MTMR7: variants seen among roughly 807,000 people sequenced by gnomAD.
MTMR7 encodes myotubularin related protein 7, also known as phosphatidylinositol-3-phosphate phosphatase MTMR7.
Under a neutral mutation model 81.2 loss-of-function variants are expected in MTMR7, and 76 were observed. The observed-to-expected ratio is 0.94, with a 90% CI of 0.78 to 1.13. The LOEUF is 1.13. Ranked by LOEUF, MTMR7 falls within the 50% of genes most tolerant of loss-of-function variation. The pLI is 0.00. For missense variants in MTMR7, 1,044 were observed against 820.0 expected, an observed-to-expected ratio of 1.27 and a Z score of -3.34; for synonymous variants, 372 against 289.8, an observed-to-expected ratio of 1.28 and a Z score of -2.88.
chr8:17,332,701 T>C (rs771923899), intron 6 of MTMR7, among the ~76,000 whole-genome samples: 1 of 152,188 alleles, frequency 6.6e-6, no homozygotes, highest in African/African-American at 2.4e-5. Flanking sequence ...ATCATATAGG[T>C]CGAACCATTA....
chr8:17,331,763 T>A (rs1205563316), intron 6 of MTMR7, among the ~76,000 whole-genome samples: 1 of 152,238 alleles, frequency 6.6e-6, no homozygotes, highest in Non-Finnish European at 1.5e-5. Context: ...CATTCTAATT[T>A]GCCCACAAGA....
At chr8:17,409,056 C>T (rs1293791856) in intron 1 of MTMR7, among the ~76,000 whole-genome samples, 5 of 152,064 alleles carry the variant, frequency 3.3e-5, no homozygotes, top group Non-Finnish European at 7.3e-5. Context: ...ACACTGACAT[C>T]CACAAATATT....
Position 17,341,458 on chromosome 8 carries a change from T to G in MTMR7, c.637A>C (p.Ser213Arg). 1.2e-6 allele frequency: 2 copies of G among 1,614,118 alleles called. No individual in the cohort carries two copies. Among genetic ancestry groups the G allele is most frequent in the Non-Finnish European group, 1.7e-6 (2 of 1,180,024 alleles). Reference sequence around the variant, plus strand: ...TGCTCGTCCTCTAGGCACCGGGCACTGAAGCCGGACAGGGGCTGGCTGCTC... The same window carrying G: ...TGCTCGTCCTCTAGGCACCGGGCACGGAAGCCGGACAGGGGCTGGCTGCTC... ...CRSSQPLSGF[S>R]ARCLEDEQML... The change falls in exon 6 of 14, where the codon AGT (serine) becomes CGT (arginine). Residue 213 changes from serine (S) to arginine (R), a missense_variant. Ser to Arg is a moderately radical substitution (Grantham distance 110). Coordinates refer to ENST00000180173, the MANE Select transcript of MTMR7 (RefSeq NM_004686.5).
chr8:17,341,646 GC>G, intron 5 of MTMR7, 149 bp from the exon 6 acceptor site: 1 of 1,026,326 alleles, frequency 9.7e-7, no homozygotes. Context: ...TGGAAATCAA[GC>G]CTTGTTTATT....
intron 1 of MTMR7, among the ~76,000 whole-genome samples, chr8:17,375,338 G>C (rs1304905420): frequency 6.6e-6 from 1 of 152,052 alleles, no homozygotes; most frequent in Admixed American, 6.5e-5. Flanking sequence ...GATCTACTGA[G>C]GTCAATAAAG....
intron 1 of MTMR7, among the ~76,000 whole-genome samples, chr8:17,392,909 T>C (rs1585118031): frequency 2.0e-5 from 3 of 152,322 alleles, no homozygotes; most frequent in Admixed American, 2.0e-4. Flanking sequence ...TGAGGATGAT[T>C]ATAAAAATAA....
At chr8:17,351,869 C>A (rs1439583699) in intron 4 of MTMR7, among the ~76,000 whole-genome samples, 3 of 152,226 alleles carry the variant, frequency 2.0e-5, no homozygotes, top group Non-Finnish European at 2.9e-5. Context: ...GTCCTGCTTT[C>A]ATCAAAGTAG....
chr8:17,300,350 A>T, intron 13 of MTMR7, 126 bp from the exon 14 acceptor site: 2 of 1,064,558 alleles, frequency 1.9e-6, no homozygotes, highest in Non-Finnish European at 2.6e-6. Flanking sequence ...ACTCAGAGGG[A>T]TGTGAGTTCA....
At chr8:17,404,770 A>G (rs534658045) in intron 1 of MTMR7, among the ~76,000 whole-genome samples, 26 of 152,232 alleles carry the variant, frequency 1.7e-4, no homozygotes, top group Non-Finnish European at 3.1e-4. Flanking sequence ...ATTTAAATAC[A>G]TTGATGTTTA....
At chr8:17,403,483 TGTA>T (rs957035467) in intron 1 of MTMR7, among the ~76,000 whole-genome samples, 2 of 152,158 alleles carry the variant, frequency 1.3e-5, no homozygotes, top group Non-Finnish European at 2.9e-5. Flanking sequence ...ACGGTAGCTC[TGTA>T]GTATAATTTG....
At chr8:17,345,977 G>C (rs1041546597) in intron 5 of MTMR7, 1 of 152,184 alleles carries the variant, frequency 6.6e-6, no homozygotes, top group South Asian at 2.1e-4. Flanking sequence ...TAACCAAAGA[G>C]AAGAAAGACA....
chr8:17,352,622 AC>A (rs772819006), intron 4 of MTMR7, among the ~76,000 whole-genome samples: 1 of 152,188 alleles, frequency 6.6e-6, no homozygotes, highest in Non-Finnish European at 1.5e-5. Context: ...AAACTTAAAA[AC>A]TTTTATACAT....
At chr8:17,382,697 G>A (rs954065424) in intron 1 of MTMR7, among the ~76,000 whole-genome samples, 32 of 152,254 alleles carry the variant, frequency 2.1e-4, no homozygotes, top group African/African-American at 7.2e-4. Context: ...GTGATAAGGA[G>A]ACCTTGTGCA....
intron 1 of MTMR7, among the ~76,000 whole-genome samples, chr8:17,375,460 C>T (rs889852153): frequency 1.3e-5 from 2 of 151,358 alleles, no homozygotes; most frequent in Non-Finnish European, 2.9e-5. Context: ...GACAACAGTG[C>T]CCTTCACCTA....
At chr8:17,401,309 C>A (rs1821423547) in intron 1 of MTMR7, among the ~76,000 whole-genome samples, 1 of 152,096 alleles carries the variant, frequency 6.6e-6, no homozygotes, top group Non-Finnish European at 1.5e-5. Context: ...CTAAGGAAAG[C>A]AAGTTCCAGG....
intron 6 of MTMR7, among the ~76,000 whole-genome samples, chr8:17,340,965 A>G (rs1819391894): frequency 6.6e-6 from 1 of 152,214 alleles, no homozygotes; most frequent in South Asian, 2.1e-4. Flanking sequence ...TTGAAAAATA[A>G]TAGCTGAGTA....
Position 17,337,686 on chromosome 8 carries a change from G to C in MTMR7, c.732+3677C>G, listed in dbSNP as rs559971648. 2.3e-3 allele frequency among the ~76,000 whole-genome samples: 338 copies of C among 149,174 alleles called. 2 individuals carry two copies. The highest frequency in any genetic ancestry group is 3.7e-3 in the Non-Finnish European group (253 of 68,032). Reference sequence around the variant, plus strand: ...GCTGCAGTGCAGTGGCACAATCACAGGTCAGTGCAGCCTCAAACTCCTGGG... The same window carrying C: ...GCTGCAGTGCAGTGGCACAATCACACGTCAGTGCAGCCTCAAACTCCTGGG... On this transcript the variant is annotated intron_variant, in intron 6 of 13. Transcript: ENST00000180173.
chr8:17,340,576 T>C (rs1025999816), intron 6 of MTMR7, among the ~76,000 whole-genome samples: 13 of 152,244 alleles, frequency 8.5e-5, no homozygotes, highest in East Asian at 3.8e-4. Context: ...TGGAATTTTA[T>C]TGGACTTAAC....
intron 7 of MTMR7, among the ~76,000 whole-genome samples, chr8:17,330,623 C>T (rs1006709991): frequency 2.6e-5 from 4 of 152,118 alleles, no homozygotes; most frequent in East Asian, 1.9e-4. Flanking sequence ...TCTGTGGGTA[C>T]GTGTCTTGTC....
Sources: allele counts gnomAD v4.1 joint callset (sites outside exome capture counted in the v4.1 genomes callset), GRCh38; gene constraint gnomAD v4.1.1; transcripts MANE v1.5; gene names NCBI Gene and HGNC (gene_info 2026-07-23, HGNC 2026-07-21).